The following C7orf57 variants were observed in gnomAD, a reference collection of about 807,000 sequenced individuals.
C7orf57 encodes the protein chromosome 7 open reading frame 57.
C7orf57 carries 33 observed loss-of-function variants against 39.0 expected under a neutral mutation model. The ratio of observed to expected loss-of-function variants is 0.85; its 90% CI spans 0.64 to 1.13. C7orf57 has a LOEUF of 1.13. C7orf57 is among the 50% of genes most tolerant of loss of function. The probability of loss-of-function intolerance (pLI) is 0.00; values close to 1 mark genes in which losing one functional copy is unlikely to be tolerated. For synonymous variants in C7orf57, 124 were observed against 137.1 expected, an observed-to-expected ratio of 0.90 and a Z score of 0.67; for missense variants, 346 against 362.3, an observed-to-expected ratio of 0.95 and a Z score of 0.37.
chr7:48,052,881 C>A lies in C7orf57; in HGVS notation c.787C>A (p.Leu263Ile), dbSNP rs945836494. The A allele has an allele frequency of 3.1e-6, 5 of 1,613,812 alleles. No homozygotes were observed. Among genetic ancestry groups the A allele is most frequent in the Non-Finnish European group, 4.2e-6 (5 of 1,179,854 alleles). The change falls in exon 7 of 9, where the codon CTC (leucine) becomes ATC (isoleucine). Residue 263 changes from leucine to isoleucine, a missense_variant. By Grantham distance (5) the Leu-to-Ile change is conservative. Transcript: ENST00000348904. ...DLEGPQDAAR[L>I]QDAEASEGPE... The stretch of plus-strand genomic sequence containing the variant: ...GGAAGGTCCCCAGGATGCAGCCAGG[C>A]TCCAGGATGCAGAGGCTTCTGAAGG...
rs764143968 is a variant in C7orf57, at chr7:48,049,982, G to A, written c.605+5G>A. On this transcript the variant is annotated splice_donor_5th_base_variant and intron_variant, in intron 6 of 8. Coordinates refer to ENST00000348904, the MANE Select transcript of C7orf57 (RefSeq NM_001100159.3). ...TAGACTCTCCTTCCCCCCCGTGTAA[G>A]TGCTTGAGCTACGCCCTCACTGTCT... 1 of 1,583,272 alleles carries A rather than the reference G, an allele frequency of 6.3e-7. No homozygotes were observed.
intron 2 of C7orf57, among the ~76,000 whole-genome samples, chr7:48,039,156 T>C (rs954560906): frequency 1.3e-5 from 2 of 152,202 alleles, no homozygotes; most frequent in Non-Finnish European, 2.9e-5. Flanking sequence ...CTACAGAATG[T>C]AGATTTTCCC....
At chr7:48,059,156 C>T (rs1791216211) in intron 8 of C7orf57, among the ~76,000 whole-genome samples, 1 of 152,160 alleles carries the variant, frequency 6.6e-6, no homozygotes, top group South Asian at 2.1e-4. Context: ...ACACTCTCTC[C>T]ACTGTCAGTC....
chr7:48,054,893 T>G (rs1484480194), intron 8 of C7orf57, among the ~76,000 whole-genome samples: 1 of 152,100 alleles, frequency 6.6e-6, no homozygotes, highest in African/African-American at 2.4e-5. Context: ...ATTATTTTTT[T>G]TGAGATGGAG....
chr7:48,051,709 C>T (rs1270376370), intron 6 of C7orf57, among the ~76,000 whole-genome samples: 2 of 111,786 alleles, frequency 1.8e-5, no homozygotes, highest in African/African-American at 5.6e-5. Context: ...TTCTCTCTCT[C>T]TCTCCTTTCT....
At chr7:48,056,580 A>G (rs2128799234) in intron 8 of C7orf57, among the ~76,000 whole-genome samples, 1 of 152,260 alleles carries the variant, frequency 6.6e-6, no homozygotes, top group South Asian at 2.1e-4. Flanking sequence ...CCAAATCTGA[A>G]AATCTGAAAT....
intron 4 of C7orf57, among the ~76,000 whole-genome samples, chr7:48,044,095 G>A (rs372094501): frequency 6.6e-6 from 1 of 152,148 alleles, no homozygotes; most frequent in Non-Finnish European, 1.5e-5. Flanking sequence ...GGACGAACCC[G>A]GGCACTTAGC....
chr7:48,057,795 T>C (rs1791158279), intron 8 of C7orf57, among the ~76,000 whole-genome samples: 1 of 152,148 alleles, frequency 6.6e-6, no homozygotes, highest in African/African-American at 2.4e-5. Context: ...ATTTCCTCTA[T>C]GCTTAATTTG....
rs74922722 is a variant in C7orf57, at chr7:48,050,370, C to T, written c.605+393C>T. Among the ~76,000 whole-genome samples, 608 of 152,284 alleles carry T rather than the reference C, an allele frequency of 4.0e-3. 6 individuals are homozygous for T. The highest frequency in any genetic ancestry group is 0.014 in the African/African-American group (566 of 41,550). ...TGTCCAAGGCCTGAACTGAGGTGTC[C>T]GCGCCTTGTAAGCGTGCTGGCTCTG... On this transcript the variant is annotated intron_variant, in intron 6 of 8. Coordinates refer to ENST00000348904, the MANE Select transcript of C7orf57 (RefSeq NM_001100159.3).
At chr7:48,054,820 C>T (rs1222316935) in intron 8 of C7orf57, among the ~76,000 whole-genome samples, 3 of 151,946 alleles carry the variant, frequency 2.0e-5, no homozygotes, top group Admixed American at 6.5e-5. Context: ...AAAAGAGGAT[C>T]GCTTACACAA....
chr7:48,047,829 A>T (rs1790760084), intron 5 of C7orf57, among the ~76,000 whole-genome samples: 1 of 152,098 alleles, frequency 6.6e-6, no homozygotes, highest in South Asian at 2.1e-4. Context: ...CAGCCTCCCG[A>T]GTAGCTAGGT....
intron 2 of C7orf57, among the ~76,000 whole-genome samples, chr7:48,038,848 C>CCTTTT (rs1490645155): frequency 2.0e-5 from 3 of 151,962 alleles, no homozygotes; most frequent in Non-Finnish European, 4.4e-5. Context: ...TGGGATAACT[C>CCTTTT]CAAGTATGTG....
intron 2 of C7orf57, 77 bp downstream of exon 2, chr7:48,036,440 CA>C (rs1790366176): frequency 7.4e-7 from 1 of 1,354,294 alleles, no homozygotes; most frequent in African/African-American, 1.5e-5. Flanking sequence ...GCTGTGGACC[CA>C]ACGTCCTCTA....
chr7:48,056,994 T>A (rs962427739), intron 8 of C7orf57, among the ~76,000 whole-genome samples: 1 of 152,256 alleles, frequency 6.6e-6, no homozygotes, highest in East Asian at 1.9e-4. Flanking sequence ...TCCATTTTTA[T>A]GCCAGTACCA....
At chr7:48,051,705 C>G (rs1306565013) in intron 6 of C7orf57, among the ~76,000 whole-genome samples, 1 of 118,866 alleles carries the variant, frequency 8.4e-6, no homozygotes, top group Non-Finnish European at 1.9e-5. Flanking sequence ...TTCTTTCTCT[C>G]TCTCTCTCCT....
Position 48,060,233 on chromosome 7 carries a change from A to G in C7orf57, c.849A>G (p.Glu283=), listed in dbSNP as rs1791252886. The part of the protein sequence containing the change: ...EDTPESSQSP[E]ESVSASTPAE... Reference sequence around the variant, plus strand: ...ATTTACTTTGTGTTGCAGGCCCAGAAGAATCTGTATCTGCATCAACACCAG... The same window carrying G: ...ATTTACTTTGTGTTGCAGGCCCAGAGGAATCTGTATCTGCATCAACACCAG... The change falls in exon 9 of 9, where the codon GAA becomes GAG. Residue 283 remains glutamate (E), a synonymous_variant. Transcript: ENST00000348904. 1 of 1,536,724 alleles carries G rather than the reference A, an allele frequency of 6.5e-7. No homozygotes were observed. The highest frequency in any genetic ancestry group is 8.8e-7 in the Non-Finnish European group (1 of 1,136,380).
chr7:48,037,898 C>T (rs1419353491), intron 2 of C7orf57, among the ~76,000 whole-genome samples: 1 of 152,114 alleles, frequency 6.6e-6, no homozygotes, highest in Non-Finnish European at 1.5e-5. Flanking sequence ...CTGTCCACAG[C>T]TTCCAGTAAT....
intron 8 of C7orf57, among the ~76,000 whole-genome samples, chr7:48,057,652 A>C (rs989280220): frequency 1.3e-5 from 2 of 152,136 alleles, no homozygotes; most frequent in African/African-American, 4.8e-5. Flanking sequence ...TCAGGTACTA[A>C]GTCAAATAGA....
chr7:48,042,908 T>C (rs1790593301), intron 3 of C7orf57, among the ~76,000 whole-genome samples: 3 of 152,150 alleles, frequency 2.0e-5, no homozygotes, highest in African/African-American at 7.2e-5. Flanking sequence ...AAGGAGCCTG[T>C]GCTCTCTGTG....
Sources: allele counts gnomAD v4.1 joint callset (sites outside exome capture counted in the v4.1 genomes callset), GRCh38; gene constraint gnomAD v4.1.1; transcripts MANE v1.5; gene names NCBI Gene and HGNC (gene_info 2026-07-23, HGNC 2026-07-21).